PRKCE: variants seen among roughly 807,000 people sequenced by gnomAD.
PRKCE encodes the protein protein kinase C epsilon.
PRKCE carries 16 observed loss-of-function variants against 85.4 expected under a neutral mutation model. The ratio of observed to expected loss-of-function variants is 0.19; its 90% CI spans 0.13 to 0.28. The LOEUF (loss-of-function observed/expected upper bound fraction) is 0.28, where lower values mean the gene tolerates loss of function less well. Among genes scored for constraint, PRKCE ranks in the 10% least tolerant of loss-of-function variants. PRKCE has a pLI of 1.00. For synonymous variants in PRKCE, 388 were observed against 371.5 expected (o/e 1.04, Z -0.51); for missense variants, 573 against 975.2 (o/e 0.59, Z 5.49).
chr2:45,678,807 T>C (rs2204204), intron 1 of PRKCE, among the ~76,000 whole-genome samples: 35,482 of 152,100 alleles, frequency 0.23, 4,338 homozygotes, highest in South Asian at 0.36. Flanking sequence ...ACTTTGGGAA[T>C]TTGTGAAACT....
chr2:45,886,631 G>C (rs755303), intron 2 of PRKCE, among the ~76,000 whole-genome samples: 1 of 152,210 alleles, frequency 6.6e-6, no homozygotes, highest in Non-Finnish European at 1.5e-5. Context: ...ACCCTGCAAT[G>C]AGTCTTGACA....
At chr2:45,661,950 A>G (rs995301654) in intron 1 of PRKCE, among the ~76,000 whole-genome samples, 4 of 152,182 alleles carry the variant, frequency 2.6e-5, no homozygotes, top group Non-Finnish European at 2.9e-5. Flanking sequence ...TTTTCAGACT[A>G]TGGCATCTTT....
intron 2 of PRKCE, among the ~76,000 whole-genome samples, chr2:45,876,910 A>G (rs538893236): frequency 2.0e-5 from 3 of 152,256 alleles, no homozygotes; most frequent in Admixed American, 1.3e-4. Flanking sequence ...CTTCTTTTGA[A>G]TTGAATTTAA....
chr2:46,013,222 A>T (rs572582268), intron 10 of PRKCE, among the ~76,000 whole-genome samples: 1 of 152,340 alleles, frequency 6.6e-6, no homozygotes, highest in Admixed American at 6.5e-5. Flanking sequence ...CCCTATGACA[A>T]ACCAACAGTT....
At chr2:46,019,287 C>T (rs1706435452) in intron 10 of PRKCE, among the ~76,000 whole-genome samples, 1 of 152,100 alleles carries the variant, frequency 6.6e-6, no homozygotes, top group South Asian at 2.1e-4. Context: ...TTGCCAAATC[C>T]CAAAGCTATG....
At chr2:45,681,270 C>G (rs1284316572) in intron 1 of PRKCE, among the ~76,000 whole-genome samples, 3 of 99,548 alleles carry the variant, frequency 3.0e-5, no homozygotes, top group Admixed American at 1.7e-4. Context: ...GCCTGGGAGA[C>G]AGAGCAAGAC....
chr2:45,684,585 A>G (rs954859065), intron 1 of PRKCE, among the ~76,000 whole-genome samples: 2 of 152,240 alleles, frequency 1.3e-5, no homozygotes, highest in Non-Finnish European at 2.9e-5. Context: ...TGGACCTACA[A>G]TATTGATTTT....
chr2:45,955,186 C>G (rs1244243502), intron 2 of PRKCE, among the ~76,000 whole-genome samples: 1 of 152,132 alleles, frequency 6.6e-6, no homozygotes, highest in African/African-American at 2.4e-5. Flanking sequence ...AGAAAAAGAT[C>G]CCTGTGGACT....
intron 14 of PRKCE, among the ~76,000 whole-genome samples, chr2:46,174,990 C>G (rs1365544713): frequency 6.6e-6 from 1 of 152,052 alleles, no homozygotes; most frequent in Non-Finnish European, 1.5e-5. Flanking sequence ...CACGCCCAGC[C>G]GAGATCTGGT....
intron 10 of PRKCE, among the ~76,000 whole-genome samples, chr2:46,034,691 G>A (rs987022551): frequency 1.3e-5 from 2 of 152,240 alleles, no homozygotes; most frequent in African/African-American, 4.8e-5. Flanking sequence ...ACAGAACCCA[G>A]GGCGGGGATC....
chr2:45,826,110 C>G (rs1420829704), intron 1 of PRKCE, among the ~76,000 whole-genome samples: 1 of 152,104 alleles, frequency 6.6e-6, no homozygotes, highest in Non-Finnish European at 1.5e-5. Context: ...GAAGTCAGGC[C>G]TTTGCATTTT....
At chr2:46,096,778 T>C (rs181703070) in intron 11 of PRKCE, among the ~76,000 whole-genome samples, 85 of 152,342 alleles carry the variant, frequency 5.6e-4, no homozygotes, top group Admixed American at 5.5e-3. Context: ...GTTCAAGTCC[T>C]AGTATTGCCA....
chr2:46,089,159 A>G (rs574995059), intron 11 of PRKCE, among the ~76,000 whole-genome samples: 2 of 152,174 alleles, frequency 1.3e-5, no homozygotes, highest in Admixed American at 1.3e-4. Context: ...CATCCTCTAA[A>G]TGCTGGTTTT....
At chr2:45,811,933 C>T (rs1464040305) in intron 1 of PRKCE, among the ~76,000 whole-genome samples, 1 of 152,192 alleles carries the variant, frequency 6.6e-6, no homozygotes, top group Non-Finnish European at 1.5e-5. Flanking sequence ...ACACCCCTCC[C>T]ATGTATTTAT....
chr2:45,968,937 A>G (rs547323915), intron 2 of PRKCE, among the ~76,000 whole-genome samples: 29 of 152,156 alleles, frequency 1.9e-4, no homozygotes, highest in Admixed American at 1.5e-3. Flanking sequence ...AAAACGGGCC[A>G]GGTGAAGTTA....
chr2:46,111,195 T>G (rs1413415619), intron 11 of PRKCE, among the ~76,000 whole-genome samples: 2 of 16,822 alleles, frequency 1.2e-4, no homozygotes, highest in Non-Finnish European at 2.1e-4. Flanking sequence ...TGTCAATTTA[T>G]AAATGTTAAG....
Position 46,185,418 on chromosome 2 carries a change from A to G in PRKCE, c.*537A>G, listed in dbSNP as rs1185402824. On this transcript the variant is annotated 3_prime_UTR_variant, in exon 15 of 15. Transcript: ENST00000306156. This position sits in a 1 kb window ranked among gnomAD's most constrained non-coding sequence, Gnocchi z 4.7. ...GCCCTCTGAGGGAGGGAGACCAGAG[A>G]TGCAGGGATTGGCCAGCTGGGTTGG... 1 of 152,876 alleles carries G rather than the reference A, an allele frequency of 6.5e-6. No homozygotes were observed. The highest frequency in any genetic ancestry group is 2.4e-5 in the African/African-American group (1 of 41,452). 9.5% of individuals were successfully genotyped at this position (152,876 alleles called of 1,614,324 possible).
rs1473420554 is a variant in PRKCE at position 45,966,752 on chromosome 2, G to A, written c.413-9677G>A. On this transcript the variant is annotated intron_variant, in intron 2 of 14. Transcript: ENST00000306156. The stretch of plus-strand genomic sequence containing the variant: ...GTCCTAAAGCCTTGTGGGATGGGGT[G>A]TGGGGAAGATAAGGCAGGCGCTCCC... Among the ~76,000 whole-genome samples, 6 of 152,146 alleles carry A rather than the reference G, an allele frequency of 3.9e-5. No homozygotes were observed. The East Asian group carries it at 1.2e-3, about 29-fold the overall frequency.
rs756120190 is a variant in PRKCE, at chr2:46,007,566, G to A, written c.1168G>A (p.Gly390Ser). The change falls in exon 9 of 15, where the codon GGT becomes AGT. Residue 390 changes from glycine to serine, a missense_variant. This residue lies in a region of PRKCE where 117 missense variants were observed against 104.8 expected (regional missense o/e 1.12). Transcript: ENST00000306156. ...SSPDGQLMSP[G>S]ENGEVRQGQA... ...TCCTGATGGCCAGCTGATGAGCCCC[G>A]GTGAGAATGGCGAAGTCCGGCAAGG... 1.6e-5 allele frequency: 26 copies of A among 1,599,674 alleles called. No homozygotes were observed. The highest frequency in any genetic ancestry group is 8.9e-5 in the East Asian group (4 of 44,888).
Sources: allele counts gnomAD v4.1 joint callset (sites outside exome capture counted in the v4.1 genomes callset), GRCh38; gene constraint gnomAD v4.1.1; regional missense constraint gnomAD v4.1.1; non-coding constraint Gnocchi (gnomAD v3.1); transcripts MANE v1.5; gene names NCBI Gene and HGNC (gene_info 2026-07-23, HGNC 2026-07-21).